Variants in PTH1R observed in about 807,000 individuals in gnomAD.
PTH1R encodes the protein parathyroid hormone/parathyroid hormone-related peptide receptor.
PTH1R carries 32 observed loss-of-function variants against 70.7 expected under a neutral mutation model. The observed-to-expected ratio is 0.45, with a 90% CI of 0.34 to 0.61. The LOEUF (loss-of-function observed/expected upper bound fraction) is 0.61, where lower values mean the gene tolerates loss of function less well. Ranked by LOEUF, PTH1R falls within the 20% of genes least tolerant of loss-of-function variation. The pLI, the probability that PTH1R is intolerant of heterozygous loss-of-function variation, is 0.01. For synonymous variants in PTH1R, 329 were observed against 324.8 expected, an observed-to-expected ratio of 1.01 and a Z score of -0.14; for missense variants, 626 against 792.5, an observed-to-expected ratio of 0.79 and a Z score of 2.52.
chr3:46,898,914 G>A (rs1201719507), intron 9 of PTH1R, 57 bp downstream of exon 9: 1 of 1,224,816 alleles, frequency 8.2e-7, no homozygotes, highest in Non-Finnish European at 1.1e-6. Context: ...GTGGGGCCCC[G>A]CCCCGCCCCG....
At chr3:46,885,997 G>A (rs1479188888) in intron 3 of PTH1R, among the ~76,000 whole-genome samples, 2 of 152,216 alleles carry the variant, frequency 1.3e-5, no homozygotes, top group African/African-American at 4.8e-5. Flanking sequence ...TCCATCTGGA[G>A]GACACTGGTT....
rs1311964215 is a variant in PTH1R, at chr3:46,898,837, G to C, written c.814G>C (p.Ala272Pro). ...CATCGCCCAGGCGCCCCCGCCGCCTGCCACCGCCGCTGCCGGCTACGTGAG... is the reference window on the plus strand; with the variant it reads ...CATCGCCCAGGCGCCCCCGCCGCCTCCCACCGCCGCTGCCGGCTACGTGAG... ...RAIAQAPPPP[A>P]TAAAGYAGCR... The change falls in exon 9 of 16, where the codon GCC (alanine) becomes CCC (proline). Residue 272 changes from alanine (A) to proline (P), a missense_variant. Ala to Pro is a conservative substitution (Grantham distance 27, BLOSUM62 -1). Around this residue, in one of 3 missense-constraint regions of PTH1R, gnomAD observed 495 missense variants for 638.7 expected, o/e 0.77. Transcript: ENST00000449590. 1.9e-6 allele frequency: 3 copies of C among 1,551,872 alleles called. No homozygotes were observed. Among genetic ancestry groups the C allele is most frequent in the Non-Finnish European group, 2.6e-6 (3 of 1,154,186 alleles).
Position 46,898,719 on chromosome 3 carries a change from G to T in PTH1R, c.696G>T (p.Leu232=). ...TGCACCTGTTCCTGTCCTTCATGCTGCGCGCCGTGAGCATCTTCGTCAAGG... is the reference window on the plus strand; with the variant it reads ...TGCACCTGTTCCTGTCCTTCATGCTTCGCGCCGTGAGCATCTTCGTCAAGG... ...IHMHLFLSFM[L]RAVSIFVKDA... is the part of the protein sequence containing the mutation. The change falls in exon 9 of 16, where the codon CTG becomes CTT. Residue 232 remains leucine, a synonymous_variant. Coordinates refer to ENST00000449590, the MANE Select transcript of PTH1R (RefSeq NM_000316.3). 1 of 1,611,564 alleles carries T rather than the reference G, an allele frequency of 6.2e-7. No homozygotes were observed. The highest frequency in any genetic ancestry group is 8.5e-7 in the Non-Finnish European group (1 of 1,179,586).
In PTH1R at chr3:46,890,456, C is replaced by T. The variant is rs573284045; in HGVS notation, c.76-3451C>T. On this transcript the variant is annotated intron_variant, in intron 3 of 15. Transcript: ENST00000449590. ...GCTTTTCCTGAGCTTCACCCCTGCACAGGCTTGTTGTGAAGTACTTCATTT... is the reference window on the plus strand; with the variant it reads ...GCTTTTCCTGAGCTTCACCCCTGCATAGGCTTGTTGTGAAGTACTTCATTT... Among the ~76,000 whole-genome samples, 109 of 149,384 alleles carry T rather than the reference C, an allele frequency of 7.3e-4. 1 individual carries two copies. In the South Asian group the frequency reaches 0.017, roughly 23 times the overall value.
In PTH1R at chr3:46,896,776, C is replaced by A. The variant is rs577920583; in HGVS notation, c.313+907C>A. ...GAAGATACAGAGGCTGGGGACCCTC[C>A]AAGGTCACTTAGCCTCCCTGCAGTG... On this transcript the variant is annotated intron_variant, in intron 5 of 15. Transcript: ENST00000449590. This position sits in a 1 kb window ranked among gnomAD's most constrained non-coding sequence, Gnocchi z 4.1. 1.5e-4 allele frequency among the ~76,000 whole-genome samples: 23 copies of A among 152,264 alleles called. No homozygotes were observed. Among genetic ancestry groups the A allele is most frequent in the African/African-American group, 5.1e-4 (21 of 41,546 alleles).
chr3:46,902,692 G>A lies in PTH1R; in HGVS notation c.1353+25G>A. The A allele has an allele frequency of 1.2e-6, 2 of 1,614,074 alleles. No individual in the cohort carries two copies. The highest frequency in any genetic ancestry group is 1.7e-6 in the Non-Finnish European group (2 of 1,180,016). On this transcript the variant is annotated intron_variant, in intron 14 of 15. Transcript: ENST00000449590. The surrounding 1 kb of genome is among the most constrained non-coding windows in gnomAD (Gnocchi z 5.4). Reference sequence around the variant, plus strand: ...GGTGCGCAGTGCTGGCCCGGGCCTGGCTGAGGGTGGGAGGGGTTCCGGGGG... The same window carrying A: ...GGTGCGCAGTGCTGGCCCGGGCCTGACTGAGGGTGGGAGGGGTTCCGGGGG...
Position 46,901,659 on chromosome 3 carries a change from G to A in PTH1R, c.1117-107G>A. 1 of 1,411,334 alleles carries A rather than the reference G, an allele frequency of 7.1e-7. No homozygotes were observed. The highest frequency in any genetic ancestry group is 2.3e-5 in the East Asian group (1 of 42,942). 87.4% of individuals were successfully genotyped at this position (1,411,334 alleles called of 1,614,324 possible). A position where few individuals can be genotyped will look rare whatever the true frequency, so the allele number is the denominator to read the frequency against. On this transcript the variant is annotated intron_variant, in intron 12 of 15. Transcript: ENST00000449590. This position sits in a 1 kb window ranked among gnomAD's most constrained non-coding sequence, Gnocchi z 7.3. ...GAAAGGAAAACCAAGGGCTCAAGGA[G>A]CCACCCAGAGATGCAGTGACAGAGC...
rs865904680 is a variant in PTH1R at position 46,881,730 on chromosome 3, C to T, written c.-49+612C>T. Reference sequence around the variant, plus strand: ...GGGACGAGGCGAGGGTGGGGCTGGACGTGGGGGAGGGCGGCAGCAGCCAAG... The same window carrying T: ...GGGACGAGGCGAGGGTGGGGCTGGATGTGGGGGAGGGCGGCAGCAGCCAAG... On this transcript the variant is annotated intron_variant, in intron 2 of 15. Coordinates refer to ENST00000449590, the MANE Select transcript of PTH1R (RefSeq NM_000316.3). Among the ~76,000 whole-genome samples, 13 of 148,644 alleles carry T rather than the reference C, an allele frequency of 8.7e-5. No homozygotes were observed. In the South Asian group the frequency reaches 1.1e-3, roughly 12 times the overall value.
In PTH1R at chr3:46,883,764, C is replaced by G; in HGVS notation, c.75+130C>G. The G allele has an allele frequency of 1.9e-6, 2 of 1,069,330 alleles. No individual in the cohort carries two copies. Among genetic ancestry groups the G allele is most frequent in the Non-Finnish European group, 2.7e-6 (2 of 736,748 alleles). 66.2% of individuals were successfully genotyped at this position (1,069,330 alleles called of 1,614,324 possible). A position where few individuals can be genotyped will look rare whatever the true frequency, so the allele number is the denominator to read the frequency against. On this transcript the variant is annotated intron_variant, in intron 3 of 15. Transcript: ENST00000449590. This position sits in a 1 kb window ranked among gnomAD's most constrained non-coding sequence, Gnocchi z 6.4. ...CTTTGGGTGAGAGTCCCCTCTGATC[C>G]AGGATCCTGGGTGCCTGCTGTCTCT...
At chr3:46,888,229 T>C (rs1486747574) in intron 3 of PTH1R, among the ~76,000 whole-genome samples, 1 of 152,274 alleles carries the variant, frequency 6.6e-6, no homozygotes, top group African/African-American at 2.4e-5. Flanking sequence ...CAGTGAGAGC[T>C]TGCTCGGGGC....
Position 46,892,677 on chromosome 3 carries a change from C to T in PTH1R, c.76-1230C>T. 3 of 962,754 alleles carry T rather than the reference C, an allele frequency of 3.1e-6. No homozygotes were observed. The highest frequency in any genetic ancestry group is 3.7e-6 in the Non-Finnish European group (3 of 808,602). The allele number at this position is 962,754 out of a possible 1,614,324, so 59.6% of individuals were successfully genotyped here. ...TCGCCGGTGCCCGCCCCATGCCCGA[C>T]CCGCCTTCTTCCTCCCCTGCCTCCT... On this transcript the variant is annotated intron_variant, in intron 3 of 15. Transcript: ENST00000449590. The surrounding 1 kb of genome is among the most constrained non-coding windows in gnomAD (Gnocchi z 5.2).
chr3:46,898,237 C>G (rs749925640), intron 7 of PTH1R, 45 bp downstream of exon 7: 67 of 1,602,532 alleles, frequency 4.2e-5, no homozygotes, highest in Non-Finnish European at 5.7e-5. Flanking sequence ...TAAATTCACT[C>G]CCACCCCACG....
At chr3:46,894,393 GCA>G (rs1331093265) in intron 4 of PTH1R, among the ~76,000 whole-genome samples, 9 of 152,108 alleles carry the variant, frequency 5.9e-5, no homozygotes, top group Admixed American at 2.6e-4. Flanking sequence ...CAGAACACAA[GCA>G]CACAATGACA....
At chr3:46,887,413 C>T (rs1211720795) in intron 3 of PTH1R, among the ~76,000 whole-genome samples, 1 of 149,970 alleles carries the variant, frequency 6.7e-6, no homozygotes, top group African/African-American at 2.5e-5. Flanking sequence ...TACGATCATG[C>T]CACTTCACTC....
At chr3:46,878,977 G>A (rs2030393537) in intron 1 of PTH1R, among the ~76,000 whole-genome samples, 1 of 152,234 alleles carries the variant, frequency 6.6e-6, no homozygotes. Flanking sequence ...AACTGACTCT[G>A]AGCCCCTGGG....
At position 46,879,568 on chromosome 3, in the gene PTH1R, C is replaced by T. The variant is rs2030428891; in HGVS notation, c.-105-1494C>T. ...GACCAGTCTAGGCAACAAAGTGAGACCTCGTCTCTACAAAAAAAAAATTTT... is the reference window on the plus strand; with the variant it reads ...GACCAGTCTAGGCAACAAAGTGAGATCTCGTCTCTACAAAAAAAAAATTTT... On this transcript the variant is annotated intron_variant, in intron 1 of 15. Coordinates refer to ENST00000449590, the MANE Select transcript of PTH1R (RefSeq NM_000316.3). The surrounding 1 kb of genome is among the most constrained non-coding windows in gnomAD (Gnocchi z 4.7). Among the ~76,000 whole-genome samples, 1 of 152,032 alleles carries T rather than the reference C, an allele frequency of 6.6e-6. No homozygotes were observed. The highest frequency in any genetic ancestry group is 2.4e-5 in the African/African-American group (1 of 41,360).
At position 46,883,672 on chromosome 3, in the gene PTH1R, GGGCTTACC is replaced by G; in HGVS notation, c.75+39_75+46del. 6.5e-7 allele frequency: 1 copy of G among 1,544,766 alleles called. No individual in the cohort carries two copies. The highest frequency in any genetic ancestry group is 8.7e-7 in the Non-Finnish European group (1 of 1,146,418). On this transcript the variant is annotated intron_variant, in intron 3 of 15. Transcript: ENST00000449590. This position sits in a 1 kb window ranked among gnomAD's most constrained non-coding sequence, Gnocchi z 6.4. ...CCGCCAACACTCCGGGACAGGCTGC[GGGCTTACC>G]CTAGGGTCCGCGGGATAGGTCTAAG...
In PTH1R at chr3:46,886,197, G is replaced by A. The variant is rs2031009685; in HGVS notation, c.75+2563G>A. The stretch of plus-strand genomic sequence containing the variant: ...CCCCAGCATGTACACATGTGGAGGA[G>A]AAACTGCAACAAGAGAAGCTGGAGC... On this transcript the variant is annotated intron_variant, in intron 3 of 15. Transcript: ENST00000449590. Among the ~76,000 whole-genome samples, 5 of 152,320 alleles carry A rather than the reference G, an allele frequency of 3.3e-5. No homozygotes were observed. In the South Asian group the frequency reaches 1.0e-3, roughly 32 times the overall value.
rs9850151 is a variant in PTH1R, at chr3:46,884,575, C to T, written c.75+941C>T. Among the ~76,000 whole-genome samples, 6,588 of 152,222 alleles carry T rather than the reference C, an allele frequency of 0.043. 499 individuals carry two copies. The highest frequency in any genetic ancestry group is 0.15 in the African/African-American group (6,182 of 41,504). On this transcript the variant is annotated intron_variant, in intron 3 of 15. Coordinates refer to ENST00000449590, the MANE Select transcript of PTH1R (RefSeq NM_000316.3). This position sits in a 1 kb window ranked among gnomAD's most constrained non-coding sequence, Gnocchi z 4.8. ...GCAACCCCATCCCCTGGGACGAGCC[C>T]GTTCCTGGGGAGGCTGTCTGCCTGT...
Sources: gnomAD v4.1 joint callset for allele counts (sites outside exome capture counted in the v4.1 genomes callset) on GRCh38, gnomAD v4.1.1 for gene constraint, gnomAD v4.1.1 regional missense constraint, Gnocchi (gnomAD v3.1) non-coding constraint, MANE v1.5 for transcripts, NCBI Gene and HGNC (gene_info 2026-07-23, HGNC 2026-07-21) for gene names.